PARD3B: variants seen among roughly 807,000 people sequenced by gnomAD.
The protein encoded by PARD3B is partitioning defective 3 homolog B.
In PARD3B, 103 loss-of-function variants were observed where a neutral mutation model predicts 130.2. The observed-to-expected ratio is 0.79, with a 90% CI of 0.67 to 0.93. The LOEUF (loss-of-function observed/expected upper bound fraction) is 0.93, where lower values mean the gene tolerates loss of function less well. PARD3B is among the 40% of genes least tolerant of loss of function. The pLI is 0.00. For synonymous variants in PARD3B, 583 were observed against 553.2 expected (o/e 1.05, Z -0.76); for missense variants, 1,609 against 1,499.2 (o/e 1.07, Z -1.21).
At chr2:205,538,781 T>C (rs145016861) in intron 21 of PARD3B, among the ~76,000 whole-genome samples, 2,133 of 152,326 alleles carry the variant, frequency 0.014, 14 homozygotes, top group South Asian at 0.028. Flanking sequence ...CAAGTGTTTT[T>C]GTTTTTTTAT....
chr2:204,696,942 T>C (rs1476737025), intron 2 of PARD3B, among the ~76,000 whole-genome samples: 1 of 152,088 alleles, frequency 6.6e-6, no homozygotes, highest in East Asian at 1.9e-4. Context: ...AAATAATGTC[T>C]TCATTAATCT....
chr2:204,936,817 T>A (rs994297718), intron 2 of PARD3B, among the ~76,000 whole-genome samples: 4 of 152,224 alleles, frequency 2.6e-5, no homozygotes, highest in Non-Finnish European at 4.4e-5. Flanking sequence ...AAATAGTGAA[T>A]CTTTAAAACT....
At chr2:204,783,241 G>C (rs1194702450) in intron 2 of PARD3B, among the ~76,000 whole-genome samples, 2 of 152,094 alleles carry the variant, frequency 1.3e-5, no homozygotes, top group East Asian at 1.9e-4. Flanking sequence ...AGGGAACCTG[G>C]TGTAATCATA....
At chr2:204,810,538 A>G (rs181112356) in intron 2 of PARD3B, among the ~76,000 whole-genome samples, 1 of 152,058 alleles carries the variant, frequency 6.6e-6, no homozygotes, top group Non-Finnish European at 1.5e-5. Context: ...TGTGATAATC[A>G]TGTAGTTTTC....
chr2:205,566,636 A>C (rs936325620), intron 22 of PARD3B, among the ~76,000 whole-genome samples: 3 of 152,144 alleles, frequency 2.0e-5, no homozygotes, highest in Non-Finnish European at 2.9e-5. Context: ...AGACCACTGA[A>C]ATGTGCCCTA....
chr2:205,183,783 TATG>T lies in PARD3B; in HGVS notation c.1925-1978_1925-1976del, dbSNP rs1317459767. The stretch of plus-strand genomic sequence containing the variant: ...GTGTGTGTGTGTGTGTGAACAGATT[TATG>T]ATAAGGAATTGGCTCACATGGCCAT... On this transcript the variant is annotated intron_variant, in intron 13 of 22. Transcript: ENST00000406610. The surrounding 1 kb of genome is among the most constrained non-coding windows in gnomAD (Gnocchi z 5.2). Among the ~76,000 whole-genome samples, 1 of 147,318 alleles carries T rather than the reference TATG, an allele frequency of 6.8e-6. No individual in the cohort carries two copies. Among genetic ancestry groups the T allele is most frequent in the Non-Finnish European group, 1.5e-5 (1 of 66,560 alleles).
rs200423870 is a variant in PARD3B at position 205,228,938 on chromosome 2, TTC to T, written c.2141-16838_2141-16837del. Among the ~76,000 whole-genome samples, 500 of 152,344 alleles carry T rather than the reference TTC, an allele frequency of 3.3e-3. 2 individuals carry two copies. The highest frequency in any genetic ancestry group is 9.9e-3 in the African/African-American group (411 of 41,582). ...CAATTACATTTTTCAACTCCAGAAT[TTC>T]TGTTTGATTCTTTTTAATTATTTCA... On this transcript the variant is annotated intron_variant, in intron 15 of 22. Transcript: ENST00000406610.
At position 205,430,254 on chromosome 2, in the gene PARD3B, A is replaced by G. The variant is rs566976495; in HGVS notation, c.2742-10116A>G. 1.6e-4 allele frequency among the ~76,000 whole-genome samples: 24 copies of G among 152,282 alleles called. No individual in the cohort carries two copies. In the East Asian group the frequency reaches 3.7e-3, roughly 23 times the overall value. On this transcript the variant is annotated intron_variant, in intron 19 of 22. Transcript: ENST00000406610. ...ACAAGTACCATATTTATCCGGGTTT[A>G]GTTGAAAGAAAGCTGTGTATAAGTG...
chr2:204,975,187 G>T (rs78101670), intron 3 of PARD3B, among the ~76,000 whole-genome samples: 10,120 of 152,134 alleles, frequency 0.067, 456 homozygotes, highest in Middle Eastern at 0.11. Context: ...TTGGTTAATT[G>T]CTTGTCTTTT....
rs922950970 is a variant in PARD3B, at chr2:205,458,107, A to T, written c.3044+17435A>T. ...CTTGGTTTTCAGCAGTTTTACTGTG[A>T]TGTGTCTGTGAGCGTGTGTTGGCAG... On this transcript the variant is annotated intron_variant, in intron 20 of 22. Transcript: ENST00000406610. The surrounding 1 kb of genome is among the most constrained non-coding windows in gnomAD (Gnocchi z 4.8). 6.6e-6 allele frequency among the ~76,000 whole-genome samples: 1 copy of T among 152,022 alleles called. No individual in the cohort carries two copies. The highest frequency in any genetic ancestry group is 2.4e-5 in the African/African-American group (1 of 41,400).
chr2:204,613,488 C>A (rs2034002149), intron 1 of PARD3B, among the ~76,000 whole-genome samples: 1 of 152,082 alleles, frequency 6.6e-6, no homozygotes, highest in African/African-American at 2.4e-5. Flanking sequence ...ATTTCTTTAT[C>A]CTTCGCCTAT....
chr2:204,643,115 C>CAAAAAAAAAAAAAAAAAAAAAAAAAAA lies in PARD3B; in HGVS notation c.121-43045_121-43044insAAAAAAAAAAAAAAAAAAAAAAAAAAA, dbSNP rs71029202. ...GGCGACAGAGGGAGACTCTGTCTCA[C>CAAAAAAAAAAAAAAAAAAAAAAAAAAA]AAAAAAAAAAAAAAAAAAAAATGTT... On this transcript the variant is annotated intron_variant, in intron 1 of 22. Coordinates refer to ENST00000406610, the MANE Select transcript of PARD3B (RefSeq NM_001302769.2). Among the ~76,000 whole-genome samples, 6 of 31,808 alleles carry CAAAAAAAAAAAAAAAAAAAAAAAAAAA rather than the reference C, an allele frequency of 1.9e-4. 1 individual carries two copies. The highest frequency in any genetic ancestry group is 2.3e-4 in the Non-Finnish European group (4 of 17,068). 20.9% of individuals were successfully genotyped at this position (31,808 alleles called of 152,430 possible). A position where few individuals can be genotyped will look rare whatever the true frequency, so the allele number is the denominator to read the frequency against.
chr2:204,869,931 CAAT>C (rs1179288492), intron 2 of PARD3B, among the ~76,000 whole-genome samples: 2 of 152,104 alleles, frequency 1.3e-5, no homozygotes, highest in African/African-American at 4.8e-5. Flanking sequence ...GATATCCAGT[CAAT>C]TACCAGTTTT....
rs148808111 is a variant in PARD3B, at chr2:205,510,869, A to G, written c.3180+10838A>G. On this transcript the variant is annotated intron_variant, in intron 21 of 22. Coordinates refer to ENST00000406610, the MANE Select transcript of PARD3B (RefSeq NM_001302769.2). ...CTCTGCCTTATATAAGCTATTCCAT[A>G]TACTAGCTCTGTGAGGTAGATATCT... 1.9e-3 allele frequency among the ~76,000 whole-genome samples: 288 copies of G among 152,352 alleles called. 2 individuals carry two copies. Among genetic ancestry groups the G allele is most frequent in the Admixed American group, 3.9e-3 (59 of 15,300 alleles).
At chr2:205,207,614 C>G (rs1222915445) in intron 15 of PARD3B, among the ~76,000 whole-genome samples, 1 of 144,008 alleles carries the variant, frequency 6.9e-6, no homozygotes, top group Non-Finnish European at 1.5e-5. Context: ...ACTAGAAAAT[C>G]TAGAAGAAAT....
rs556245903 is a variant in PARD3B at position 205,523,267 on chromosome 2, T to A, written c.3180+23236T>A. On this transcript the variant is annotated intron_variant, in intron 21 of 22. Coordinates refer to ENST00000406610, the MANE Select transcript of PARD3B (RefSeq NM_001302769.2). ...TTTATATATATATATATTTTTGAGA[T>A]GGAGTCTCGCTCTGTTGCCCAGGAT... 9.1e-4 allele frequency among the ~76,000 whole-genome samples: 136 copies of A among 148,806 alleles called. 1 individual carries two copies. The highest frequency in any genetic ancestry group is 3.5e-3 in the Middle Eastern group (1 of 284).
At position 204,689,501 on chromosome 2, in the gene PARD3B, GA is replaced by G. The variant is rs1337343348; in HGVS notation, c.222+3220del. Among the ~76,000 whole-genome samples, 3 of 152,112 alleles carry G rather than the reference GA, an allele frequency of 2.0e-5. No individual in the cohort carries two copies. The highest frequency in any genetic ancestry group is 4.4e-5 in the Non-Finnish European group (3 of 68,018). ...GATTCTTCAGTTTGTCTATCAGTCT[GA>G]TGATTCGAGTTCTTTGGGATAAATA... On this transcript the variant is annotated intron_variant, in intron 2 of 22. Transcript: ENST00000406610. This position sits in a 1 kb window ranked among gnomAD's most constrained non-coding sequence, Gnocchi z 5.2.
Position 205,142,075 on chromosome 2 carries a change from T to C in PARD3B, c.1434+16338T>C, listed in dbSNP as rs1308964876. ...TTAAAGTCCTTAAAGATGTACATAA[T>C]AATAAATAACCATGATATAACGTGA... On this transcript the variant is annotated intron_variant, in intron 10 of 22. Transcript: ENST00000406610. The surrounding 1 kb of genome is among the most constrained non-coding windows in gnomAD (Gnocchi z 4.3). 6.6e-6 allele frequency among the ~76,000 whole-genome samples: 1 copy of C among 152,148 alleles called. No individual in the cohort carries two copies. Among genetic ancestry groups the C allele is most frequent in the Admixed American group, 6.6e-5 (1 of 15,262 alleles).
intron 22 of PARD3B, among the ~76,000 whole-genome samples, chr2:205,587,111 A>G (rs569494465): frequency 6.6e-6 from 1 of 152,324 alleles, no homozygotes; most frequent in African/African-American, 2.4e-5. Context: ...CAGAAGACCT[A>G]CATTACTATC....
Sources: allele counts gnomAD v4.1 joint callset (sites outside exome capture counted in the v4.1 genomes callset), GRCh38; gene constraint gnomAD v4.1.1; non-coding constraint Gnocchi (gnomAD v3.1); transcripts MANE v1.5; gene names NCBI Gene and HGNC (gene_info 2026-07-23, HGNC 2026-07-21).